Variants in SIAH3 observed in about 807,000 individuals in gnomAD.
The protein encoded by SIAH3 is siah E3 ubiquitin protein ligase family member 3.
In SIAH3, 9 loss-of-function variants were observed where a neutral mutation model predicts 12.6. The ratio of observed to expected loss-of-function variants is 0.72; its 90% CI spans 0.43 to 1.25. SIAH3 has a LOEUF of 1.25. Among genes scored for constraint, SIAH3 ranks in the 50% most tolerant of loss-of-function variants. The pLI, the probability that SIAH3 is intolerant of heterozygous loss-of-function variation, is 0.00. For missense variants in SIAH3, 390 were observed against 365.4 expected (o/e 1.07, Z -0.55); for synonymous variants, 154 against 151.1 (o/e 1.02, Z -0.14).
At chr13:45,812,173 A>G (rs1221737443) in intron 1 of SIAH3, among the ~76,000 whole-genome samples, 2 of 152,212 alleles carry the variant, frequency 1.3e-5, no homozygotes, top group Non-Finnish European at 2.9e-5. Context: ...TGATGCAGAC[A>G]CAGCCTGAGG....
chr13:45,846,201 T>C (rs1950759702), intron 1 of SIAH3, among the ~76,000 whole-genome samples: 1 of 151,074 alleles, frequency 6.6e-6, no homozygotes, highest in South Asian at 2.1e-4. Context: ...GCGATTCTTC[T>C]GCCTCAGCCT....
intron 1 of SIAH3, among the ~76,000 whole-genome samples, chr13:45,794,372 T>C (rs187699285): frequency 6.6e-6 from 1 of 152,258 alleles, no homozygotes; most frequent in East Asian, 1.9e-4. Flanking sequence ...AAGGACGTTG[T>C]ATAGTGCTTA....
At chr13:45,814,954 C>T (rs1004305783) in intron 1 of SIAH3, among the ~76,000 whole-genome samples, 27 of 152,106 alleles carry the variant, frequency 1.8e-4, no homozygotes, top group Admixed American at 1.8e-3. Context: ...AACTCCTGAC[C>T]TCAAGTGATC....
intron 1 of SIAH3, among the ~76,000 whole-genome samples, chr13:45,850,760 G>A (rs542069615): frequency 6.6e-6 from 1 of 152,226 alleles, no homozygotes; most frequent in South Asian, 2.1e-4. Flanking sequence ...CAGCTAGGCA[G>A]CCGCGAGCAA....
chr13:45,844,387 C>T (rs754101926), intron 1 of SIAH3, among the ~76,000 whole-genome samples: 7 of 152,114 alleles, frequency 4.6e-5, no homozygotes, highest in African/African-American at 4.8e-5. Context: ...CTCTGAGATC[C>T]GGGACAGATC....
chr13:45,816,838 A>G (rs1202963814), intron 1 of SIAH3, among the ~76,000 whole-genome samples: 2 of 152,242 alleles, frequency 1.3e-5, no homozygotes, highest in Admixed American at 1.3e-4. Flanking sequence ...AATGAACAGT[A>G]GTAATAACTA....
chr13:45,781,799 G>T lies in SIAH3; in HGVS notation c.*1584C>A, dbSNP rs1950505019. On this transcript the variant is annotated 3_prime_UTR_variant, in exon 2 of 2. Coordinates refer to ENST00000400405, the MANE Select transcript of SIAH3 (RefSeq NM_198849.3). ...GTTTCAGGATCAGTTATTTTTGGTG[G>T]AGAAAAAATTGCAGATGGCCAGCCA... 6.6e-6 allele frequency: 1 copy of T among 152,182 alleles called. No individual in the cohort carries two copies. 9.4% of individuals were successfully genotyped at this position (152,182 alleles called of 1,614,324 possible). A position where few individuals can be genotyped will look rare whatever the true frequency, so the allele number is the denominator to read the frequency against.
intron 1 of SIAH3, among the ~76,000 whole-genome samples, chr13:45,788,070 G>A (rs987015156): frequency 1.3e-5 from 2 of 152,180 alleles, no homozygotes; most frequent in Admixed American, 6.5e-5. Context: ...AAATAGAGTG[G>A]GACGTGATAC....
In SIAH3 at chr13:45,815,890, G is replaced by A. The variant is rs573169416; in HGVS notation, c.136-31833C>T. On this transcript the variant is annotated intron_variant, in intron 1 of 1. Transcript: ENST00000400405. ...CCGTTAAGGTGACATGGCAGTACAG[G>A]GCATCCCCACAACAAAAATCACAGC... Among the ~76,000 whole-genome samples, 24 of 152,284 alleles carry A rather than the reference G, an allele frequency of 1.6e-4. No individual in the cohort carries two copies. The East Asian group carries it at 4.2e-3, about 27-fold the overall frequency.
intron 1 of SIAH3, among the ~76,000 whole-genome samples, chr13:45,796,473 G>C (rs77113291): frequency 6.6e-6 from 1 of 152,198 alleles, no homozygotes; most frequent in African/African-American, 2.4e-5. Context: ...ATGGGGATGA[G>C]AGTCAGATCA....
chr13:45,820,061 G>A (rs1950649982), intron 1 of SIAH3, among the ~76,000 whole-genome samples: 2 of 152,216 alleles, frequency 1.3e-5, no homozygotes, highest in Non-Finnish European at 2.9e-5. Context: ...GCTGTGTGAA[G>A]CCTCCTTTAT....
At chr13:45,824,705 T>C (rs566589008) in intron 1 of SIAH3, among the ~76,000 whole-genome samples, 1 of 152,160 alleles carries the variant, frequency 6.6e-6, no homozygotes, top group Non-Finnish European at 1.5e-5. Flanking sequence ...TTTTGTGGTA[T>C]AATTTGTTAA....
Position 45,783,859 on chromosome 13 carries a change from AC to A in SIAH3, c.333del (p.Leu111PhefsTer61). ...AGGCGGCCTTCCCACTGGCAGGAGAACAAGGGACACATGCACAGGCAGGGCG... is the reference window on the plus strand; with the variant it reads ...AGGCGGCCTTCCCACTGGCAGGAGAAAAGGGACACATGCACAGGCAGGGCG... ...PVTPCLCMCP[L>X]FSCQWEGRLE... On this transcript the variant is annotated frameshift_variant, in exon 2 of 2. Coordinates refer to ENST00000400405, the MANE Select transcript of SIAH3 (RefSeq NM_198849.3). LOFTEE classifies it high-confidence loss of function. 1.9e-6 allele frequency: 3 copies of A among 1,613,992 alleles called. No homozygotes were observed. The highest frequency in any genetic ancestry group is 2.5e-6 in the Non-Finnish European group (3 of 1,179,958).
At position 45,782,591 on chromosome 13, in the gene SIAH3, T is replaced by A. The variant is rs1008595767; in HGVS notation, c.*792A>T. 1.3e-5 allele frequency: 2 copies of A among 152,184 alleles called. No homozygotes were observed. The highest frequency in any genetic ancestry group is 4.8e-5 in the African/African-American group (2 of 41,436). The allele number at this position is 152,184 out of a possible 1,614,324, so 9.4% of individuals were successfully genotyped here. ...CCCACCCCCCATCTTGCCTATTCTT[T>A]TCTACTACTTGCTCAACAGAAGGCA... On this transcript the variant is annotated 3_prime_UTR_variant, in exon 2 of 2. Coordinates refer to ENST00000400405, the MANE Select transcript of SIAH3 (RefSeq NM_198849.3).
intron 1 of SIAH3, among the ~76,000 whole-genome samples, chr13:45,802,685 C>T (rs1950586252): frequency 6.6e-6 from 1 of 152,120 alleles, no homozygotes; most frequent in East Asian, 1.9e-4. Context: ...TTATGAAGCC[C>T]CCAGCTAGCT....
chr13:45,787,648 A>G (rs963027789), intron 1 of SIAH3, among the ~76,000 whole-genome samples: 3 of 152,200 alleles, frequency 2.0e-5, no homozygotes, highest in African/African-American at 7.2e-5. Context: ...AAGTGACAAG[A>G]AGTTCCAAGT....
rs1025977193 is a variant in SIAH3 at position 45,837,113 on chromosome 13, A to G, written c.135+14382T>C. 3.9e-5 allele frequency among the ~76,000 whole-genome samples: 6 copies of G among 152,174 alleles called. No homozygotes were observed. In the East Asian group the frequency reaches 5.8e-4, roughly 15 times the overall value. On this transcript the variant is annotated intron_variant, in intron 1 of 1. Transcript: ENST00000400405. ...GTGGCCTTCGTCTTCTCAGCTTCACATGGAGAAAACATCTTCCCAGCTCTC... is the reference window on the plus strand; with the variant it reads ...GTGGCCTTCGTCTTCTCAGCTTCACGTGGAGAAAACATCTTCCCAGCTCTC...
chr13:45,842,415 C>T (rs1239079522), intron 1 of SIAH3, among the ~76,000 whole-genome samples: 1 of 152,274 alleles, frequency 6.6e-6, no homozygotes, highest in South Asian at 2.1e-4. Context: ...GCAGTCATGG[C>T]TCACCACAGC....
intron 1 of SIAH3, among the ~76,000 whole-genome samples, chr13:45,841,465 T>G (rs2137583398): frequency 6.6e-6 from 1 of 152,346 alleles, no homozygotes; most frequent in East Asian, 1.9e-4. Flanking sequence ...ACTTGCTCCA[T>G]GCTGTTTCCA....
Sources: gnomAD v4.1 joint callset for allele counts (sites outside exome capture counted in the v4.1 genomes callset) on GRCh38, gnomAD v4.1.1 for gene constraint, MANE v1.5 for transcripts, NCBI Gene and HGNC (gene_info 2026-07-23, HGNC 2026-07-21) for gene names.